GK: variants seen among roughly 807,000 people sequenced by gnomAD.
GK encodes ATP:glycerol 3-phosphotransferase.
Under a neutral mutation model 56.4 loss-of-function variants are expected in GK, and 9 were observed. That is an observed-to-expected ratio of 0.16 (90% CI 0.10 to 0.28). GK has a LOEUF of 0.28. Among genes scored for constraint, GK ranks in the 10% least tolerant of loss-of-function variants. GK has a pLI of 1.00. For missense variants in GK, 161 were observed against 431.4 expected, an observed-to-expected ratio of 0.37 and a Z score of 5.55; for synonymous variants, 104 against 144.1, an observed-to-expected ratio of 0.72 and a Z score of 1.99.
chrX:30,655,927 T>C (rs1375281539), intron 1 of GK, among the ~76,000 whole-genome samples: 1 of 112,280 alleles, frequency 8.9e-6, no homozygotes, highest in Non-Finnish European at 1.9e-5. Context: ...CCTCGTCTCA[T>C]TGCATGTAAG....
intron 18 of GK, among the ~76,000 whole-genome samples, chrX:30,722,084 A>G (rs1291308758): frequency 3.6e-5 from 4 of 110,127 alleles, no homozygotes; most frequent in East Asian, 5.7e-4. Context: ...AAACAAAAGG[A>G]AAAAAAAAGC....
intron 13 of GK, among the ~76,000 whole-genome samples, chrX:30,708,845 C>T (rs1186860841): frequency 1.8e-5 from 2 of 112,018 alleles, no homozygotes; most frequent in African/African-American, 6.5e-5. Flanking sequence ...GATCTGCAGA[C>T]TCATTGAGGC....
chrX:30,714,055 C>T (rs982259520), intron 13 of GK, among the ~76,000 whole-genome samples: 1 of 111,632 alleles, frequency 9.0e-6, no homozygotes, highest in African/African-American at 3.3e-5. Context: ...ATATGAGCTT[C>T]AAAGAGGGTT....
chrX:30,696,252 C>G (rs1935227776), intron 7 of GK, 101 bp downstream of exon 7: 1 of 539,209 alleles, frequency 1.9e-6, no homozygotes, highest in Non-Finnish European at 3.3e-6. Flanking sequence ...CAAAATTTAA[C>G]TGTTGATATT....
chrX:30,688,466 C>T (rs1177078500), intron 4 of GK, among the ~76,000 whole-genome samples: 1 of 96,202 alleles, frequency 1.0e-5, no homozygotes, highest in Admixed American at 1.2e-4. Context: ...CGCATCACTG[C>T]ACTCCAGACT....
At chrX:30,705,661 G>A (rs1935959454) in intron 11 of GK, among the ~76,000 whole-genome samples, 1 of 112,757 alleles carries the variant, frequency 8.9e-6, no homozygotes, top group South Asian at 3.6e-4. Context: ...TGTACAATGA[G>A]GAAGGCGAGG....
chrX:30,699,233 T>TA (rs1342452958), intron 9 of GK, among the ~76,000 whole-genome samples: 2 of 99,739 alleles, frequency 2.0e-5, no homozygotes, highest in Non-Finnish European at 4.0e-5. Flanking sequence ...TATATACATG[T>TA]TATGTATAAC....
intron 4 of GK, among the ~76,000 whole-genome samples, chrX:30,688,716 C>T (rs1428792012): frequency 9.0e-6 from 1 of 111,265 alleles, no homozygotes; most frequent in Non-Finnish European, 1.9e-5. Flanking sequence ...AGAACCACTG[C>T]CGTGAAGTCT....
At chrX:30,707,261 C>T (rs1252542502) in intron 11 of GK, among the ~76,000 whole-genome samples, 2 of 105,328 alleles carry the variant, frequency 1.9e-5, no homozygotes, top group East Asian at 3.0e-4. Flanking sequence ...ACTCGGGAGG[C>T]GGAGGTTGCA....
intron 9 of GK, among the ~76,000 whole-genome samples, chrX:30,699,246 GT>G (rs1158129611): frequency 4.2e-4 from 40 of 94,972 alleles, no homozygotes; most frequent in African/African-American, 1.2e-3. Context: ...TGTATAACAT[GT>G]TATATATACA....
rs748379678 is a variant in GK, at chrX:30,723,941, C to T, written c.1502-160C>T. 8.3e-6 allele frequency: 4 copies of T among 484,420 alleles called. No individual in the cohort carries two copies. The South Asian group carries it at 8.8e-5, about 11-fold the overall frequency. 39.9% of individuals were successfully genotyped at this position (484,420 alleles called of 1,213,427 possible). On this transcript the variant is annotated intron_variant, in intron 18 of 20. Coordinates refer to ENST00000427190, the MANE Select transcript of GK (RefSeq NM_001205019.2). ...ATGTCTTCCAGTCACTGGCAGTCAT[C>T]AGCAACCATGTGCTTTCAAATCTGA...
chrX:30,694,985 T>C (rs1329827279), intron 6 of GK: 2 of 256,957 alleles, frequency 7.8e-6, no homozygotes, highest in African/African-American at 5.7e-5. Flanking sequence ...AGTGGAAATT[T>C]CTATTTAGAA....
chrX:30,662,880 TTTC>T (rs1932829085), intron 1 of GK, among the ~76,000 whole-genome samples: 2 of 82,572 alleles, frequency 2.4e-5, no homozygotes, highest in African/African-American at 1.0e-4. Context: ...TCTTTCTTTC[TTTC>T]TTTCTTTCTT....
intron 1 of GK, among the ~76,000 whole-genome samples, chrX:30,656,882 G>C (rs985835297): frequency 2.9e-4 from 32 of 112,047 alleles, no homozygotes; most frequent in African/African-American, 9.7e-4. Flanking sequence ...ACAGAATCTC[G>C]CTCTGTAGCC....
chrX:30,660,666 G>A lies in GK; in HGVS notation c.79-4845G>A, dbSNP rs1394558109. On this transcript the variant is annotated intron_variant, in intron 1 of 20. Transcript: ENST00000427190. ...AAGTGTCAAATAGCTGATGTGGGCA[G>A]GGCTGGAGCTCGATGTGCCCCAGCT... Among the ~76,000 whole-genome samples, 3 of 110,255 alleles carry A rather than the reference G, an allele frequency of 2.7e-5. No homozygotes were observed. The Admixed American group carries it at 2.9e-4, about 11-fold the overall frequency.
chrX:30,654,529 G>A (rs966022617), intron 1 of GK, among the ~76,000 whole-genome samples: 1 of 111,137 alleles, frequency 9.0e-6, no homozygotes, highest in Non-Finnish European at 1.9e-5. Context: ...GATTACCTAA[G>A]GTCAGGAGTT....
intron 11 of GK, among the ~76,000 whole-genome samples, chrX:30,707,068 C>T (rs372043153): frequency 2.1e-4 from 24 of 111,958 alleles, no homozygotes; most frequent in African/African-American, 6.2e-4. Context: ...GTGGCTTAAA[C>T]GTCTGTAATC....
chrX:30,703,916 G>A (rs1187171467), intron 11 of GK, among the ~76,000 whole-genome samples: 2 of 105,550 alleles, frequency 1.9e-5, no homozygotes, highest in Admixed American at 2.1e-4. Flanking sequence ...AGCCGAGATT[G>A]CATCACTGCA....
chrX:30,677,494 C>A, intron 4 of GK, 42 bp downstream of exon 4: 1 of 738,288 alleles, frequency 1.4e-6, no homozygotes, highest in Non-Finnish European at 2.2e-6. Flanking sequence ...GGCCTTTCTT[C>A]ACATTGCAAA....
Sources: gnomAD v4.1 joint callset for allele counts (sites outside exome capture counted in the v4.1 genomes callset) on GRCh38, gnomAD v4.1.1 for gene constraint, MANE v1.5 for transcripts, NCBI Gene and HGNC (gene_info 2026-07-23, HGNC 2026-07-21) for gene names.